KCNJ18: variants seen among roughly 807,000 people sequenced by gnomAD.
KCNJ18 encodes the protein inward rectifier potassium channel 18.
KCNJ18 carries 16 observed loss-of-function variants against 17.3 expected under a neutral mutation model. That is an observed-to-expected ratio of 0.92 (90% confidence interval 0.62 to 1.40). The LOEUF (loss-of-function observed/expected upper bound fraction) is 1.40, where lower values mean the gene tolerates loss of function less well. KCNJ18 is among the 40% of genes most tolerant of loss of function. KCNJ18 has a pLI of 0.00. For missense variants in KCNJ18, 462 were observed against 626.8 expected (o/e 0.74, Z 2.81); for synonymous variants, 185 against 262.6 (o/e 0.70, Z 2.86).
chr17:21,701,288 A>T (rs1280765220), intron 2 of KCNJ18, among the ~76,000 whole-genome samples: 50 of 152,416 alleles, frequency 3.3e-4, no homozygotes, highest in Non-Finnish European at 6.0e-4. Flanking sequence ...AATGTGCAGT[A>T]GGCTGGCCTG....
chr17:21,702,822 C>G lies in KCNJ18; in HGVS notation c.36C>G (p.Ile12Met). ...CCAGCCGGGCCAACCCCTACAGCAT[C>G]GTGTCATTGGAGGAGGACGGGCTGC... ...TAASRANPYS[I>M]VSLEEDGLHL... The change falls in exon 3 of 3, where the codon ATC becomes ATG. Residue 12 changes from isoleucine to methionine, a missense_variant. Physicochemically the swap from Ile to Met is conservative, Grantham distance 10 (BLOSUM62 1). Around this residue, in one of 5 missense-constraint regions of KCNJ18, gnomAD observed 237 missense variants for 259.4 expected, o/e 0.91. Coordinates refer to ENST00000567955, the MANE Select transcript of KCNJ18 (RefSeq NM_001194958.2). The G allele has an allele frequency of 6.3e-7, 1 of 1,597,024 alleles. No individual in the cohort carries two copies. The highest frequency in any genetic ancestry group is 1.1e-5 in the South Asian group (1 of 89,978).
rs1405360044 is a variant in KCNJ18 at position 21,696,121 on chromosome 17, T to C, written c.-57+17T>C. 4 of 152,252 alleles carry C rather than the reference T, an allele frequency of 2.6e-5. No homozygotes were observed. Among genetic ancestry groups the C allele is most frequent in the African/African-American group, 9.6e-5 (4 of 41,456 alleles). The allele number at this position is 152,252 out of a possible 1,614,324, so 9.4% of individuals were successfully genotyped here. A position where few individuals can be genotyped will look rare whatever the true frequency, so the allele number is the denominator to read the frequency against. ...ACTCAAGAGGTAAGAGTGAAGTCAT[T>C]GACATGCTCTTGTGCATCTAGGCAT... On this transcript the variant is annotated intron_variant, in intron 2 of 2. Coordinates refer to ENST00000567955, the MANE Select transcript of KCNJ18 (RefSeq NM_001194958.2).
At chr17:21,702,446 T>C (rs1235152617) in intron 2 of KCNJ18, among the ~76,000 whole-genome samples, 1 of 152,082 alleles carries the variant, frequency 6.6e-6, no homozygotes, top group East Asian at 1.9e-4. Flanking sequence ...GATTCAGGCC[T>C]TGAGGGTGGG....
rs527236155 is a variant in KCNJ18, at chr17:21,703,384, G to C, written c.598G>C (p.Ala200Pro). 25 of 1,610,338 alleles carry C rather than the reference G, an allele frequency of 1.6e-5. No individual in the cohort carries two copies. In the East Asian group the frequency reaches 5.1e-4, roughly 33 times the overall value. ...ACAGACGCTGCTGTTCAGCCACAAC[G>C]CCGTGGTGGCCCTGCGTGACGGCAA... ...RAQTLLFSHN[A>P]VVALRDGKLC... The change falls in exon 3 of 3, where the codon GCC becomes CCC. Residue 200 changes from alanine (A) to proline (P), a missense_variant. By Grantham distance (27) the Ala-to-Pro change is conservative. Transcript: ENST00000567955.
chr17:21,693,890 T>C (rs1905681562), intron 1 of KCNJ18, among the ~76,000 whole-genome samples: 1 of 152,124 alleles, frequency 6.6e-6, no homozygotes, highest in Non-Finnish European at 1.5e-5. Context: ...AGGCAAAGTG[T>C]AGGCCTGTGG....
In KCNJ18 at chr17:21,702,822, C is replaced by T. The variant is rs1259508719; in HGVS notation, c.36C>T (p.Ile12=). 51 of 1,596,908 alleles carry T rather than the reference C, an allele frequency of 3.2e-5. 1 individual carries two copies. Among genetic ancestry groups the T allele is most frequent in the South Asian group, 5.6e-5 (5 of 89,982 alleles). ...TAASRANPYS[I]VSLEEDGLHL... is the part of the protein sequence containing the mutation. ...CCAGCCGGGCCAACCCCTACAGCAT[C>T]GTGTCATTGGAGGAGGACGGGCTGC... is the stretch of plus-strand genomic sequence containing the variant. The change falls in exon 3 of 3, where the codon ATC becomes ATT. Residue 12 remains isoleucine, a synonymous_variant. Coordinates refer to ENST00000567955, the MANE Select transcript of KCNJ18 (RefSeq NM_001194958.2).
At position 21,703,612 on chromosome 17, in the gene KCNJ18, G is replaced by A. The variant is rs1906056257; in HGVS notation, c.826G>A (p.Glu276Lys). Residue 276 changes from glutamate to lysine, a missense_variant, in exon 3 of 3, where the codon GAG becomes AAG. Physicochemically the swap from Glu to Lys is moderately conservative, Grantham distance 56. Coordinates refer to ENST00000567955, the MANE Select transcript of KCNJ18 (RefSeq NM_001194958.2). ...SPITILHEIDEASPLFGISRQ... is the reference protein window; with the variant it reads ...SPITILHEIDKASPLFGISRQ... ...CATCACCATCTTGCATGAAATTGAC[G>A]AGGCCAGCCCGCTCTTCGGCATCAG... 8 of 1,612,678 alleles carry A rather than the reference G, an allele frequency of 5.0e-6. No homozygotes were observed. Among genetic ancestry groups the A allele is most frequent in the African/African-American group, 1.3e-5 (1 of 74,816 alleles).
intron 2 of KCNJ18, among the ~76,000 whole-genome samples, chr17:21,697,686 G>C (rs1905805046): frequency 6.6e-6 from 1 of 152,310 alleles, no homozygotes; most frequent in African/African-American, 2.4e-5. Flanking sequence ...GCATGAGGGA[G>C]AGCCCCTAAC....
chr17:21,693,510 C>A lies in KCNJ18; in HGVS notation c.-179+796C>A, dbSNP rs1256705532. ...CTCCCCATGGCCCTGTGGCAATATC[C>A]GACCTTCGCTGCTCAGAGTTCCAGC... is the stretch of plus-strand genomic sequence containing the variant. On this transcript the variant is annotated intron_variant, in intron 1 of 2. Coordinates refer to ENST00000567955, the MANE Select transcript of KCNJ18 (RefSeq NM_001194958.2). 6.6e-5 allele frequency among the ~76,000 whole-genome samples: 10 copies of A among 152,370 alleles called. No homozygotes were observed. The East Asian group carries it at 1.9e-3, about 29-fold the overall frequency.
At chr17:21,701,246 G>A (rs1300922760) in intron 2 of KCNJ18, among the ~76,000 whole-genome samples, 2 of 152,286 alleles carry the variant, frequency 1.3e-5, no homozygotes, top group African/African-American at 4.8e-5. Flanking sequence ...TGGCATGGAT[G>A]CCCTGCTGCG....
intron 1 of KCNJ18, among the ~76,000 whole-genome samples, chr17:21,693,665 G>T (rs1336856154): frequency 6.6e-6 from 1 of 152,312 alleles, no homozygotes; most frequent in Non-Finnish European, 1.5e-5. Flanking sequence ...TGCCAAGCAT[G>T]CAGGGCCAAG....
At chr17:21,696,348 C>T in intron 2 of KCNJ18, among the ~76,000 whole-genome samples, 1 of 152,220 alleles carries the variant, frequency 6.6e-6, no homozygotes, top group Admixed American at 6.5e-5. Flanking sequence ...CATCCATCCA[C>T]CCATCCTTCC....
intron 2 of KCNJ18, among the ~76,000 whole-genome samples, chr17:21,699,966 G>A (rs1365662103): frequency 4.5e-3 from 685 of 152,398 alleles, no homozygotes; most frequent in African/African-American, 0.016. Flanking sequence ...AGGCCCCTGG[G>A]CCACACAAAT....
At chr17:21,693,766 C>T (rs1235097038) in intron 1 of KCNJ18, among the ~76,000 whole-genome samples, 1 of 152,262 alleles carries the variant, frequency 6.6e-6, no homozygotes, top group Non-Finnish European at 1.5e-5. Flanking sequence ...GACAGAACCT[C>T]TCTGAAACTC....
At chr17:21,694,628 C>T (rs1360040570) in intron 1 of KCNJ18, among the ~76,000 whole-genome samples, 49 of 151,854 alleles carry the variant, frequency 3.2e-4, no homozygotes, top group African/African-American at 1.2e-3. Context: ...ATCCACCCAT[C>T]CATCTATCCA....
intron 1 of KCNJ18, among the ~76,000 whole-genome samples, chr17:21,693,382 A>G: frequency 6.6e-6 from 1 of 152,306 alleles, no homozygotes. Context: ...TTCAGGTAGT[A>G]GGGAGTGAGG....
chr17:21,701,625 G>C (rs1191347222), intron 2 of KCNJ18, among the ~76,000 whole-genome samples: 1 of 152,354 alleles, frequency 6.6e-6, no homozygotes, highest in Admixed American at 6.5e-5. Context: ...AGGACAACAA[G>C]AAGCAAAAGA....
At chr17:21,701,930 A>AT (rs1905968687) in intron 2 of KCNJ18, among the ~76,000 whole-genome samples, 1 of 25,796 alleles carries the variant, frequency 3.9e-5, no homozygotes. Context: ...AAAAAAAAGA[A>AT]AAAAGAAAAG....
chr17:21,698,074 C>G, intron 2 of KCNJ18, among the ~76,000 whole-genome samples: 1 of 150,366 alleles, frequency 6.7e-6, no homozygotes, highest in Non-Finnish European at 1.5e-5. Context: ...GGCCCTTGAA[C>G]CTGTTCTTTT....
Sources: gnomAD v4.1 joint callset for allele counts (sites outside exome capture counted in the v4.1 genomes callset) on GRCh38, gnomAD v4.1.1 for gene constraint, gnomAD v4.1.1 regional missense constraint, MANE v1.5 for transcripts, NCBI Gene and HGNC (gene_info 2026-07-23, HGNC 2026-07-21) for gene names.